The following MAN2A1 variants were observed in gnomAD, a reference collection of about 807,000 sequenced individuals.
MAN2A1 encodes the protein mannosidase alpha class 2A member 1.
A neutral mutation model predicts 142.6 loss-of-function variants in MAN2A1; 76 were observed. The ratio of observed to expected loss-of-function variants is 0.53; its 90% confidence interval spans 0.44 to 0.65. MAN2A1 has a LOEUF of 0.65. MAN2A1 is among the 30% of genes least tolerant of loss of function. The pLI, the probability that MAN2A1 is intolerant of heterozygous loss-of-function variation, is 0.00. For missense variants in MAN2A1, 1,311 were observed against 1,365.1 expected, an observed-to-expected ratio of 0.96 and a Z score of 0.62; for synonymous variants, 559 against 473.2, an observed-to-expected ratio of 1.18 and a Z score of -2.35.
chr5:109,702,296 G>A (rs11241030), intron 1 of MAN2A1, among the ~76,000 whole-genome samples: 1 of 149,260 alleles, frequency 6.7e-6, no homozygotes, highest in Non-Finnish European at 1.5e-5. Flanking sequence ...TTTTTTTCTG[G>A]GTTAAGACAG....
At chr5:109,743,390 C>G (rs1409236945) in intron 4 of MAN2A1, among the ~76,000 whole-genome samples, 1 of 152,182 alleles carries the variant, frequency 6.6e-6, no homozygotes, top group African/African-American at 2.4e-5. Flanking sequence ...TTTAATTATT[C>G]AGCCAATCCT....
chr5:109,752,659 T>C (rs557337364), intron 4 of MAN2A1, among the ~76,000 whole-genome samples: 4 of 152,150 alleles, frequency 2.6e-5, no homozygotes, highest in Non-Finnish European at 5.9e-5. Flanking sequence ...TGAGCTGAGC[T>C]ATGAGGGCAG....
At chr5:109,843,257 C>T (rs1755259122) in intron 17 of MAN2A1, among the ~76,000 whole-genome samples, 1 of 152,128 alleles carries the variant, frequency 6.6e-6, no homozygotes, top group African/African-American at 2.4e-5. Context: ...GGGAAGCAGA[C>T]AAGTCTTACA....
intron 1 of MAN2A1, among the ~76,000 whole-genome samples, chr5:109,690,794 A>C (rs1750647422): frequency 6.6e-6 from 1 of 152,018 alleles, no homozygotes; most frequent in African/African-American, 2.4e-5. Context: ...CCGCTCAGGA[A>C]AGTGGCCATG....
chr5:109,761,321 T>G (rs1752838049), intron 5 of MAN2A1, among the ~76,000 whole-genome samples: 1 of 151,798 alleles, frequency 6.6e-6, no homozygotes, highest in African/African-American at 2.4e-5. Flanking sequence ...TAGAAATTGT[T>G]TAGCTGTTCT....
chr5:109,790,346 GA>G (rs1753706145), intron 12 of MAN2A1, among the ~76,000 whole-genome samples: 1 of 151,758 alleles, frequency 6.6e-6, no homozygotes. Flanking sequence ...AATGTAAAAA[GA>G]ATTTATAGTT....
chr5:109,851,968 A>C lies in MAN2A1; in HGVS notation c.2977-3172A>C, dbSNP rs142097881. Among the ~76,000 whole-genome samples the C allele has an allele frequency of 1.6e-3, 249 of 152,246 alleles. 1 individual carries two copies. The highest frequency in any genetic ancestry group is 3.7e-3 in the Admixed American group (56 of 15,288). ...GAAGATCTACAGTAAACTTGAGGAC[A>C]TATCCCACCAAGACCCACAACTCAG... On this transcript the variant is annotated intron_variant, in intron 19 of 21. Coordinates refer to ENST00000261483, the MANE Select transcript of MAN2A1 (RefSeq NM_002372.4).
Position 109,817,285 on chromosome 5 carries a change from C to A in MAN2A1, c.1956C>A (p.Val652=). The A allele has an allele frequency of 1.9e-6, 3 of 1,613,860 alleles. No homozygotes were observed. The highest frequency in any genetic ancestry group is 2.5e-6 in the Non-Finnish European group (3 of 1,179,902). ...GCTGTTTTTGCAGGTACCTTGTGGT[C>A]TATAATCCTTTAGAACAAGACCGAA... is the stretch of plus-strand genomic sequence containing the variant. ...RLSAEPRYLV[V]YNPLEQDRIS... is the part of the protein sequence containing the mutation. The change falls in exon 13 of 22, where the codon GTC becomes GTA. Residue 652 remains valine, a synonymous_variant. Coordinates refer to ENST00000261483, the MANE Select transcript of MAN2A1 (RefSeq NM_002372.4).
intron 12 of MAN2A1, among the ~76,000 whole-genome samples, chr5:109,810,194 G>T (rs1312417676): frequency 1.3e-5 from 2 of 151,862 alleles, no homozygotes; most frequent in African/African-American, 4.8e-5. Flanking sequence ...GTCATGTATA[G>T]TTCTAGTTTC....
intron 16 of MAN2A1, among the ~76,000 whole-genome samples, chr5:109,836,114 T>C (rs1755048666): frequency 6.6e-6 from 1 of 151,616 alleles, no homozygotes; most frequent in African/African-American, 2.4e-5. Context: ...TAATTATTGT[T>C]ATTATTATTT....
chr5:109,701,457 G>C (rs1209261568), intron 1 of MAN2A1, among the ~76,000 whole-genome samples: 11 of 152,148 alleles, frequency 7.2e-5, no homozygotes, highest in Admixed American at 7.2e-4. Context: ...TTTGTCTGAA[G>C]AGTTATGAGT....
rs1029683237 is a variant in MAN2A1 at position 109,869,224 on chromosome 5, T to A, written c.*2226T>A. 6 of 152,236 alleles carry A rather than the reference T, an allele frequency of 3.9e-5. No homozygotes were observed. Among genetic ancestry groups the A allele is most frequent in the Non-Finnish European group, 7.3e-5 (5 of 68,038 alleles). 9.4% of individuals were successfully genotyped at this position (152,236 alleles called of 1,614,324 possible). A position where few individuals can be genotyped will look rare whatever the true frequency, so the allele number is the denominator to read the frequency against. ...TAAAAACCATACACTTCAGTTGTGA[T>A]CTCAGTGGCATATTTATTTGGTTAG... is the stretch of plus-strand genomic sequence containing the variant. On this transcript the variant is annotated 3_prime_UTR_variant, in exon 22 of 22. Coordinates refer to ENST00000261483, the MANE Select transcript of MAN2A1 (RefSeq NM_002372.4).
chr5:109,766,744 T>C (rs1007746623), intron 5 of MAN2A1, among the ~76,000 whole-genome samples: 1 of 152,200 alleles, frequency 6.6e-6, no homozygotes, highest in Non-Finnish European at 1.5e-5. Flanking sequence ...AAGTTGTAAG[T>C]AGACACTTTA....
chr5:109,823,843 A>G lies in MAN2A1; in HGVS notation c.2566+6A>G, dbSNP rs751319389. ...CCGACTATACCACATACAGGGTAAG[A>G]AAATAGGAATGCAGTTATGAAACAT... On this transcript the variant is annotated splice_donor_region_variant and intron_variant, in intron 16 of 21. Transcript: ENST00000261483. 6.4e-6 allele frequency: 9 copies of G among 1,395,734 alleles called. No homozygotes were observed. In the Admixed American group the frequency reaches 2.0e-4, roughly 31 times the overall value. 86.5% of individuals were successfully genotyped at this position (1,395,734 alleles called of 1,614,324 possible).
rs1173690809 is a variant in MAN2A1 at position 109,692,531 on chromosome 5, G to A, written c.135+1979G>A. Among the ~76,000 whole-genome samples, 5 of 152,204 alleles carry A rather than the reference G, an allele frequency of 3.3e-5. 1 individual carries two copies. In the South Asian group the frequency reaches 1.0e-3, roughly 32 times the overall value. ...TCTTACAGGGTAAAACTTAAGTGGC[G>A]AGGGGACTGAGGCACTGAGGCACGG... On this transcript the variant is annotated intron_variant, in intron 1 of 21. Coordinates refer to ENST00000261483, the MANE Select transcript of MAN2A1 (RefSeq NM_002372.4).
intron 13 of MAN2A1, among the ~76,000 whole-genome samples, chr5:109,818,972 A>C (rs1038540702): frequency 3.9e-5 from 6 of 152,208 alleles, no homozygotes; most frequent in Non-Finnish European, 8.8e-5. Flanking sequence ...CAAGTCCTTT[A>C]TATAAAATGG....
chr5:109,830,070 CT>C (rs1407162199), intron 16 of MAN2A1, among the ~76,000 whole-genome samples: 5 of 152,148 alleles, frequency 3.3e-5, no homozygotes, highest in African/African-American at 4.8e-5. Flanking sequence ...GATAGGGGCT[CT>C]TATCAAATCC....
At chr5:109,861,185 C>T (rs1013560798) in intron 20 of MAN2A1, among the ~76,000 whole-genome samples, 1 of 152,128 alleles carries the variant, frequency 6.6e-6, no homozygotes, top group African/African-American at 2.4e-5. Context: ...TAATAATACT[C>T]ACCTTAGAGA....
intron 15 of MAN2A1, among the ~76,000 whole-genome samples, chr5:109,820,660 T>G (rs1754599085): frequency 6.6e-6 from 1 of 152,004 alleles, no homozygotes; most frequent in Non-Finnish European, 1.5e-5. Flanking sequence ...AATACAAAAA[T>G]TAGGCATGGT....
Sources: gnomAD v4.1 joint callset for allele counts (sites outside exome capture counted in the v4.1 genomes callset) on GRCh38, gnomAD v4.1.1 for gene constraint, MANE v1.5 for transcripts, NCBI Gene and HGNC (gene_info 2026-07-23, HGNC 2026-07-21) for gene names.